Variants in ASTN1 observed in about 807,000 individuals in gnomAD.
The protein encoded by ASTN1 is astrotactin-1.
ASTN1 carries 41 observed loss-of-function variants against 140.7 expected under a neutral mutation model. The observed-to-expected ratio is 0.29, with a 90% CI of 0.23 to 0.38. The LOEUF is 0.38. Among genes scored for constraint, ASTN1 ranks in the 10% least tolerant of loss-of-function variants. The pLI, the probability that ASTN1 is intolerant of heterozygous loss-of-function variation, is 1.00. For synonymous variants in ASTN1, 640 were observed against 652.2 expected (o/e 0.98, Z 0.29); for missense variants, 1,479 against 1,678.8 (o/e 0.88, Z 2.08).
chr1:177,155,677 T>C (rs558612456), intron 1 of ASTN1, among the ~76,000 whole-genome samples: 25 of 151,958 alleles, frequency 1.6e-4, no homozygotes, highest in African/African-American at 6.0e-4. Flanking sequence ...ATTGTTGGAG[T>C]AGGATAAGCA....
intron 1 of ASTN1, among the ~76,000 whole-genome samples, chr1:177,149,018 A>T (rs1260814534): frequency 7.2e-6 from 1 of 139,472 alleles, no homozygotes; most frequent in Non-Finnish European, 1.5e-5. Context: ...AGAAGAGAGG[A>T]AGGAGATATA....
At position 177,117,620 on chromosome 1, in the gene ASTN1, C is replaced by T. The variant is rs1681158766; in HGVS notation, c.283+46774G>A. Among the ~76,000 whole-genome samples, 4 of 152,174 alleles carry T rather than the reference C, an allele frequency of 2.6e-5. No homozygotes were observed. In the South Asian group the frequency reaches 8.3e-4, roughly 32 times the overall value. On this transcript the variant is annotated intron_variant, in intron 1 of 22. Transcript: ENST00000361833. ...AGTGATTGCTCACTTCCCACCCACC[C>T]CCTAATAAAGTTCAAATTGGTTAGC...
chr1:176,957,695 C>G lies in ASTN1; in HGVS notation c.1870G>C (p.Asp624His), dbSNP rs1326073454. 2 of 1,614,050 alleles carry G rather than the reference C, an allele frequency of 1.2e-6. No individual in the cohort carries two copies. The highest frequency in any genetic ancestry group is 1.7e-6 in the Non-Finnish European group (2 of 1,179,972). ...AGACCTACCACGCAACCAGTGGAGT[C>G]CAGCTTGCGATCTGAAATACAGCGG... is the stretch of plus-strand genomic sequence containing the variant. ...NFRCISDRKLDSTGCVCPSGL... is the reference protein window; with the variant it reads ...NFRCISDRKLHSTGCVCPSGL... Residue 624 changes from aspartate (D) to histidine (H), a missense_variant, in exon 11 of 23, where the codon GAC becomes CAC. By Grantham distance (81) the Asp-to-His change is moderately conservative. Around this residue, in one of 3 missense-constraint regions of ASTN1, gnomAD observed 729 missense variants for 860.4 expected, o/e 0.85. Transcript: ENST00000361833.
intron 1 of ASTN1, among the ~76,000 whole-genome samples, chr1:177,083,283 C>T (rs941676385): frequency 1.3e-5 from 2 of 152,120 alleles, no homozygotes; most frequent in Non-Finnish European, 1.5e-5. Context: ...ATAAAACCCA[C>T]TGCTCGTCAC....
At position 176,862,399 on chromosome 1, in the gene ASTN1, T is replaced by C. The variant is rs1357286984; in HGVS notation, c.*1885A>G. 5.1e-6 allele frequency: 5 copies of C among 985,230 alleles called. No homozygotes were observed. The highest frequency in any genetic ancestry group is 6.0e-6 in the Non-Finnish European group (5 of 829,960). 61.0% of individuals were successfully genotyped at this position (985,230 alleles called of 1,614,324 possible). A position where few individuals can be genotyped will look rare whatever the true frequency, so the allele number is the denominator to read the frequency against. On this transcript the variant is annotated 3_prime_UTR_variant, in exon 23 of 23. Coordinates refer to ENST00000361833, the MANE Select transcript of ASTN1 (RefSeq NM_004319.3). Reference sequence around the variant, plus strand: ...GCAGTGGAACTAGGGGTCCCAAGGGTGCTCTAGCTCCAAAGGCTAAGGGCG... The same window carrying C: ...GCAGTGGAACTAGGGGTCCCAAGGGCGCTCTAGCTCCAAAGGCTAAGGGCG...
rs1679842878 is a variant in ASTN1 at position 177,093,087 on chromosome 1, T to G, written c.284-31822A>C. On this transcript the variant is annotated intron_variant, in intron 1 of 22. Coordinates refer to ENST00000361833, the MANE Select transcript of ASTN1 (RefSeq NM_004319.3). Reference sequence around the variant, plus strand: ...GGGGCTTCATTTCCTTTGGTCACTGTGCATGACCAGTACCTAGAAAAAAGT... The same window carrying G: ...GGGGCTTCATTTCCTTTGGTCACTGGGCATGACCAGTACCTAGAAAAAAGT... 2.6e-5 allele frequency among the ~76,000 whole-genome samples: 4 copies of G among 152,232 alleles called. No homozygotes were observed. The South Asian group carries it at 8.3e-4, about 32-fold the overall frequency.
At chr1:177,147,143 GT>G (rs1277437011) in intron 1 of ASTN1, among the ~76,000 whole-genome samples, 1 of 152,080 alleles carries the variant, frequency 6.6e-6, no homozygotes, top group African/African-American at 2.4e-5. Flanking sequence ...TCCCACTACT[GT>G]TTTGCACCAT....
intron 17 of ASTN1, among the ~76,000 whole-genome samples, chr1:176,890,354 T>G (rs981741852): frequency 1.3e-5 from 2 of 152,204 alleles, no homozygotes; most frequent in African/African-American, 4.8e-5. Context: ...TCAAAAGTTA[T>G]TTACTCATGA....
chr1:177,109,521 G>A (rs995968317), intron 1 of ASTN1, among the ~76,000 whole-genome samples: 2 of 152,082 alleles, frequency 1.3e-5, no homozygotes, highest in Non-Finnish European at 2.9e-5. Flanking sequence ...ATATAGGGAT[G>A]TTCTAGGATG....
chr1:177,067,382 T>A (rs1678416872), intron 1 of ASTN1, among the ~76,000 whole-genome samples: 1 of 152,180 alleles, frequency 6.6e-6, no homozygotes, highest in South Asian at 2.1e-4. Context: ...ATAAACCTAC[T>A]GTCAAACACT....
chr1:177,151,339 CCTT>C (rs1443990397), intron 1 of ASTN1, among the ~76,000 whole-genome samples: 3 of 151,770 alleles, frequency 2.0e-5, no homozygotes, highest in Non-Finnish European at 2.9e-5. Context: ...TTCCCAGTAT[CCTT>C]TGCTGGGATT....
chr1:177,045,639 G>A (rs187558799), intron 2 of ASTN1, among the ~76,000 whole-genome samples: 60 of 152,344 alleles, frequency 3.9e-4, no homozygotes, highest in Middle Eastern at 3.4e-3. Context: ...TTTTTAGAGC[G>A]TGTGAGGACT....
At chr1:177,144,092 A>G (rs1172154915) in intron 1 of ASTN1, among the ~76,000 whole-genome samples, 1 of 151,566 alleles carries the variant, frequency 6.6e-6, no homozygotes, top group Admixed American at 6.6e-5. Context: ...AATAATGGCT[A>G]TTACATGTTT....
chr1:177,071,112 C>T (rs923846149), intron 1 of ASTN1, among the ~76,000 whole-genome samples: 21 of 152,138 alleles, frequency 1.4e-4, no homozygotes, highest in Non-Finnish European at 2.1e-4. Flanking sequence ...CAGGGCAAGT[C>T]GTATTTGTAC....
At chr1:176,911,606 G>A (rs9919274) in intron 16 of ASTN1, among the ~76,000 whole-genome samples, 6,613 of 151,748 alleles carry the variant, frequency 0.044, 437 homozygotes, top group African/African-American at 0.15. Flanking sequence ...CATTAGCATT[G>A]TTTTCCACCT....
At chr1:177,152,920 C>T (rs1424377967) in intron 1 of ASTN1, among the ~76,000 whole-genome samples, 1 of 151,846 alleles carries the variant, frequency 6.6e-6, no homozygotes, top group Non-Finnish European at 1.5e-5. Flanking sequence ...AGAAATAGAC[C>T]CAAATGTATT....
At chr1:177,160,170 T>A (rs1647273909) in intron 1 of ASTN1, among the ~76,000 whole-genome samples, 1 of 152,202 alleles carries the variant, frequency 6.6e-6, no homozygotes, top group Admixed American at 6.5e-5. Context: ...GAGAAAGGCT[T>A]AAACATCATA....
At chr1:177,001,975 C>T (rs1674747116) in intron 8 of ASTN1, among the ~76,000 whole-genome samples, 2 of 152,296 alleles carry the variant, frequency 1.3e-5, no homozygotes, top group Admixed American at 6.5e-5. Context: ...ACGCTTAGAA[C>T]TGTGGTCTGG....
chr1:176,983,929 T>C (rs1673756049), intron 8 of ASTN1, among the ~76,000 whole-genome samples: 1 of 152,178 alleles, frequency 6.6e-6, no homozygotes, highest in Non-Finnish European at 1.5e-5. Flanking sequence ...CTCAATCCAC[T>C]CATACAAATG....
Sources: allele counts gnomAD v4.1 joint callset (sites outside exome capture counted in the v4.1 genomes callset), GRCh38; gene constraint gnomAD v4.1.1; regional missense constraint gnomAD v4.1.1; transcripts MANE v1.5; gene names NCBI Gene and HGNC (gene_info 2026-07-23, HGNC 2026-07-21).